Variants in ABCB4 observed in about 807,000 individuals in gnomAD.
ABCB4 encodes phosphatidylcholine translocator ABCB4.
Under a neutral mutation model 145.7 loss-of-function variants are expected in ABCB4, and 76 were observed. That is an observed-to-expected ratio of 0.52 (90% CI 0.43 to 0.63). The LOEUF (loss-of-function observed/expected upper bound fraction) is 0.63, where lower values mean the gene tolerates loss of function less well. Ranked by LOEUF, ABCB4 falls within the 30% of genes least tolerant of loss-of-function variation. The pLI is 0.00. For missense variants in ABCB4, 1,234 were observed against 1,553.1 expected (o/e 0.79, Z 3.45); for synonymous variants, 517 against 566.8 (o/e 0.91, Z 1.25).
At chr7:87,435,797 G>C (rs913759220) in intron 14 of ABCB4, among the ~76,000 whole-genome samples, 1 of 152,230 alleles carries the variant, frequency 6.6e-6, no homozygotes, top group Non-Finnish European at 1.5e-5. Context: ...TTAGTAATTA[G>C]ATTGGTATGC....
chr7:87,443,301 T>C lies in ABCB4; in HGVS notation c.1356+18A>G. On this transcript the variant is annotated intron_variant, in intron 12 of 27. Transcript: ENST00000649586. Reference sequence around the variant, plus strand: ...TATCCAGCTTCCCACTCTGGAAAGCTTGGTTCTTCCCACTTACTGTGCCCT... The same window carrying C: ...TATCCAGCTTCCCACTCTGGAAAGCCTGGTTCTTCCCACTTACTGTGCCCT... The C allele has an allele frequency of 1.2e-6, 2 of 1,613,926 alleles. No individual in the cohort carries two copies. Among genetic ancestry groups the C allele is most frequent in the Non-Finnish European group, 1.7e-6 (2 of 1,179,926 alleles).
intron 3 of ABCB4, among the ~76,000 whole-genome samples, chr7:87,466,316 G>A (rs1317004561): frequency 6.6e-6 from 1 of 152,042 alleles, no homozygotes; most frequent in Non-Finnish European, 1.5e-5. Context: ...AAGATCAAAT[G>A]AATGAAATGA....
At chr7:87,388,933 A>C in the ABCB4 span, among the ~76,000 whole-genome samples, 1 of 152,198 alleles carries the variant, frequency 6.6e-6, no homozygotes, top group Non-Finnish European at 1.5e-5. Flanking sequence ...TTTACAAGAA[A>C]AAAACAACCC....
chr7:87,430,457 TTAA>T (rs1389907232), intron 15 of ABCB4, among the ~76,000 whole-genome samples: 2 of 152,216 alleles, frequency 1.3e-5, no homozygotes, highest in Non-Finnish European at 2.9e-5. Context: ...ATAACATGTC[TTAA>T]TAATATGAAA....
the ABCB4 span, among the ~76,000 whole-genome samples, chr7:87,384,876 A>G: frequency 3.9e-5 from 6 of 152,068 alleles, no homozygotes; most frequent in Non-Finnish European, 8.8e-5. Flanking sequence ...ATCCATTTTG[A>G]TTTGAATTTT....
Position 87,401,992 on chromosome 7 carries a change from G to T in ABCB4, c.*104C>A. On this transcript the variant is annotated 3_prime_UTR_variant, in exon 28 of 28. Transcript: ENST00000649586. Reference sequence around the variant, plus strand: ...TTCTAAATTGATCTAGAATGAGACAGACATACCTATGTTTTATGATGACAA... The same window carrying T: ...TTCTAAATTGATCTAGAATGAGACATACATACCTATGTTTTATGATGACAA... 1 of 1,454,692 alleles carries T rather than the reference G, an allele frequency of 6.9e-7. No individual in the cohort carries two copies. The highest frequency in any genetic ancestry group is 9.5e-7 in the Non-Finnish European group (1 of 1,057,642). 90.1% of individuals were successfully genotyped at this position (1,454,692 alleles called of 1,614,324 possible).
Position 87,412,007 on chromosome 7 carries a change from T to C in ABCB4, c.2810A>G (p.Tyr937Cys), listed in dbSNP as rs771509127. 6.2e-7 allele frequency: 1 copy of C among 1,613,886 alleles called. No individual in the cohort carries two copies. Among genetic ancestry groups the C allele is most frequent in the Admixed American group, 1.7e-5 (1 of 60,014 alleles). The change falls in exon 23 of 28, where the codon TAT becomes TGT. Residue 937 changes from tyrosine (Y) to cysteine (C), a missense_variant. This residue lies in a region of ABCB4 where 301 missense variants were observed against 389.0 expected (regional missense o/e 0.77). Coordinates refer to ENST00000649586, the MANE Select transcript of ABCB4 (RefSeq NM_000443.4). ...YRNSVQKAHI[Y>C]GITFSISQAF... ...TTGTGAGATACTAAAAGTAATTCCATAGATGTGTGCCTTCTGCACAGAATT... is the reference window on the plus strand; with the variant it reads ...TTGTGAGATACTAAAAGTAATTCCACAGATGTGTGCCTTCTGCACAGAATT...
At chr7:87,386,252 T>C in the ABCB4 span, among the ~76,000 whole-genome samples, 2 of 152,200 alleles carry the variant, frequency 1.3e-5, no homozygotes, top group South Asian at 2.1e-4. Context: ...ATTAGTTCTT[T>C]TTTTAAAGGT....
intron 19 of ABCB4, 140 bp downstream of exon 19, chr7:87,419,858 A>G (rs1355163980): frequency 1.1e-6 from 1 of 906,884 alleles, no homozygotes. Context: ...GACCAGGACA[A>G]TTTGCAGGAC....
intron 9 of ABCB4, among the ~76,000 whole-genome samples, chr7:87,446,727 G>A (rs1302369021): frequency 2.6e-5 from 4 of 152,106 alleles, no homozygotes; most frequent in South Asian, 2.1e-4. Flanking sequence ...AAACTCAACG[G>A]CAGAGGGAGG....
At chr7:87,449,830 A>G in intron 8 of ABCB4, 138 bp downstream of exon 8, 1 of 1,257,580 alleles carries the variant, frequency 8.0e-7, no homozygotes, top group Non-Finnish European at 1.1e-6. Context: ...AACTATAGCC[A>G]TCAGTAAAGG....
the ABCB4 span, among the ~76,000 whole-genome samples, chr7:87,376,913 T>C: frequency 6.6e-6 from 1 of 152,170 alleles, no homozygotes; most frequent in African/African-American, 2.4e-5. Flanking sequence ...TGAGTTAATT[T>C]CATGATCCAT....
At chr7:87,391,467 C>A in the ABCB4 span, 1 of 889,172 alleles carries the variant, frequency 1.1e-6, no homozygotes, top group Non-Finnish European at 1.6e-6. Flanking sequence ...TGAAAGTCTC[C>A]AACCTATCTG....
chr7:87,432,592 A>G (rs1031339752), intron 14 of ABCB4, among the ~76,000 whole-genome samples: 4 of 152,210 alleles, frequency 2.6e-5, no homozygotes, highest in Non-Finnish European at 4.4e-5. Flanking sequence ...AACTTTGAAA[A>G]CATTGTGCTA....
intron 14 of ABCB4, among the ~76,000 whole-genome samples, chr7:87,433,231 T>G (rs1810364653): frequency 6.6e-6 from 1 of 152,176 alleles, no homozygotes; most frequent in Non-Finnish European, 1.5e-5. Context: ...ATGAATCAAT[T>G]GTTTTTAAGT....
At chr7:87,443,808 T>C (rs768453927) in intron 10 of ABCB4, 35 bp from the exon 11 acceptor site, 31 of 1,520,846 alleles carry the variant, frequency 2.0e-5, no homozygotes, top group Non-Finnish European at 2.7e-5. Flanking sequence ...TATTCCATCA[T>C]AGCACAAACA....
the ABCB4 span, chr7:87,375,860 G>T: frequency 1.2e-6 from 2 of 1,613,402 alleles, no homozygotes; most frequent in Admixed American, 1.7e-5. Flanking sequence ...TTGATCCAGA[G>T]AACTTGGCTT....
chr7:87,456,075 T>C (rs1248954407), intron 4 of ABCB4, among the ~76,000 whole-genome samples: 2 of 152,218 alleles, frequency 1.3e-5, no homozygotes, highest in African/African-American at 4.8e-5. Flanking sequence ...TTCTGTGTGT[T>C]CATTTCCATC....
chr7:87,449,005 A>G (rs1484100613), intron 8 of ABCB4, among the ~76,000 whole-genome samples: 1 of 152,256 alleles, frequency 6.6e-6, no homozygotes, highest in African/African-American at 2.4e-5. Flanking sequence ...TCATTTAAGT[A>G]GAGCAGAATA....
Sources: gnomAD v4.1 joint callset for allele counts (sites outside exome capture counted in the v4.1 genomes callset) on GRCh38, gnomAD v4.1.1 for gene constraint, gnomAD v4.1.1 regional missense constraint, MANE v1.5 for transcripts, NCBI Gene and HGNC (gene_info 2026-07-23, HGNC 2026-07-21) for gene names.